The following TUSC3 variants were observed in gnomAD, a reference collection of about 807,000 sequenced individuals.
TUSC3 encodes tumor suppressor candidate 3, also known as dolichyl-diphosphooligosaccharide--protein glycosyltransferase subunit TUSC3.
Under a neutral mutation model 44.8 loss-of-function variants are expected in TUSC3, and 45 were observed. That is an observed-to-expected ratio of 1.00 (90% CI 0.79 to 1.29). TUSC3 has a LOEUF of 1.29. TUSC3 is among the 50% of genes most tolerant of loss of function. The pLI, the probability that TUSC3 is intolerant of heterozygous loss-of-function variation, is 0.00. For synonymous variants in TUSC3, 212 were observed against 152.9 expected (o/e 1.39, Z -2.85); for missense variants, 519 against 437.9 (o/e 1.19, Z -1.65).
intron 1 of TUSC3, among the ~76,000 whole-genome samples, chr8:15,442,469 A>G (rs1800033292): frequency 6.6e-6 from 1 of 152,166 alleles, no homozygotes; most frequent in African/African-American, 2.4e-5. Flanking sequence ...AACAAAACTA[A>G]TAAAGTTTTA....
rs563800760 is a variant in TUSC3, at chr8:15,625,972, C to T, written c.308+2723C>T. ...AGCACATAAGGATAGAGTATATATA[C>T]CTTAACGATGGCAGCAGCGGGCCAT... On this transcript the variant is annotated intron_variant, in intron 2 of 10. Transcript: ENST00000503731. Among the ~76,000 whole-genome samples, 801 of 152,270 alleles carry T rather than the reference C, an allele frequency of 5.3e-3. 4 individuals are homozygous for T. The highest frequency in any genetic ancestry group is 9.6e-3 in the Non-Finnish European group (651 of 68,026).
intron 6 of TUSC3, among the ~76,000 whole-genome samples, chr8:15,717,622 G>T (rs986649747): frequency 2.0e-5 from 3 of 151,936 alleles, no homozygotes; most frequent in African/African-American, 2.4e-5. Context: ...TCTGTTTATA[G>T]TTAACCATCT....
At chr8:15,678,677 C>T (rs528978264) in intron 6 of TUSC3, among the ~76,000 whole-genome samples, 1 of 152,238 alleles carries the variant, frequency 6.6e-6, no homozygotes, top group East Asian at 1.9e-4. Flanking sequence ...TGATGGAGTA[C>T]ATGTGCAGGT....
chr8:15,504,477 C>T (rs1477868404), intron 2 of TUSC3, among the ~76,000 whole-genome samples: 1 of 150,190 alleles, frequency 6.7e-6, no homozygotes, highest in Non-Finnish European at 1.5e-5. Context: ...CATTAAGAAA[C>T]ATATTTCTAC....
At chr8:15,450,521 T>TA (rs886527128) in intron 1 of TUSC3, among the ~76,000 whole-genome samples, 20 of 151,880 alleles carry the variant, frequency 1.3e-4, no homozygotes, top group Admixed American at 5.9e-4. Flanking sequence ...CCATCTCTAG[T>TA]AAAAATACAA....
Position 15,593,306 on chromosome 8 carries a change from G to A in TUSC3, c.139-29774G>A, listed in dbSNP as rs184088329. On this transcript the variant is annotated intron_variant, in intron 1 of 10. Coordinates refer to ENST00000503731, the MANE Select transcript of TUSC3 (RefSeq NM_006765.4). Reference sequence around the variant, plus strand: ...TCACCATGTTTACCAGGTTGGTCTCGAACTCCTGACCTCAGGTGATCCGCC... The same window carrying A: ...TCACCATGTTTACCAGGTTGGTCTCAAACTCCTGACCTCAGGTGATCCGCC... 3.4e-3 allele frequency among the ~76,000 whole-genome samples: 523 copies of A among 152,112 alleles called. 8 individuals are homozygous for A. In the East Asian group the frequency reaches 0.036, roughly 10 times the overall value.
chr8:15,659,841 A>C (rs548851567), intron 4 of TUSC3, among the ~76,000 whole-genome samples, 194 bp downstream of exon 4: 1 of 152,124 alleles, frequency 6.6e-6, no homozygotes, highest in Admixed American at 6.6e-5. Context: ...ATAGTGGTTC[A>C]CTGATATTTT....
chr8:15,738,677 C>T (rs1191652128), intron 7 of TUSC3, among the ~76,000 whole-genome samples: 5 of 152,042 alleles, frequency 3.3e-5, no homozygotes, highest in African/African-American at 1.2e-4. Context: ...CACCCGTGAA[C>T]AGTTACTGTT....
chr8:15,758,633 T>C (rs1812037603), intron 10 of TUSC3, among the ~76,000 whole-genome samples: 1 of 152,072 alleles, frequency 6.6e-6, no homozygotes, highest in East Asian at 1.9e-4. Flanking sequence ...AGGGAAGGAA[T>C]GGGAAGCTCC....
At chr8:15,585,864 G>C (rs1803579466) in intron 1 of TUSC3, among the ~76,000 whole-genome samples, 1 of 152,014 alleles carries the variant, frequency 6.6e-6, no homozygotes, top group Admixed American at 6.6e-5. Context: ...GGGTTTTTTT[G>C]TTTCTCCTCT....
Position 15,623,112 on chromosome 8 carries a change from GGAAT to G in TUSC3, c.173_176del (p.Glu58GlyfsTer10). 6.2e-7 allele frequency: 1 copy of G among 1,613,800 alleles called. No homozygotes were observed. The highest frequency in any genetic ancestry group is 8.5e-7 in the Non-Finnish European group (1 of 1,179,866). On this transcript the variant is annotated frameshift_variant, in exon 2 of 11. Coordinates refer to ENST00000503731, the MANE Select transcript of TUSC3 (RefSeq NM_006765.4). LOFTEE classifies it high-confidence loss of function. ...TAGCTGAAAAAGTAGAGCAGCTGAT[GGAAT>G]GGAGTTCCAGACGCTCAATCTTCCG...
chr8:15,806,855 A>C, the TUSC3 span: 1 of 1,051,866 alleles, frequency 9.5e-7, no homozygotes, highest in East Asian at 2.4e-5. Flanking sequence ...TAGAGTCTTC[A>C]TAGTTAATGA....
In TUSC3 at chr8:15,425,792, C is replaced by G. The variant is rs571419903; in HGVS notation, n.91+8487C>G. ...TGTGAAAAACAGGGGTTATTCCAAGCGGCCTGATGACTTAGACCCTACCAC... is the reference window on the plus strand; with the variant it reads ...TGTGAAAAACAGGGGTTATTCCAAGGGGCCTGATGACTTAGACCCTACCAC... On this transcript the variant is annotated intron_variant and non_coding_transcript_variant, in intron 1 of 5. Coordinates refer to the TUSC3 transcript ENST00000503191. Among the ~76,000 whole-genome samples, 2 of 152,304 alleles carry G rather than the reference C, an allele frequency of 1.3e-5. 1 individual carries two copies. Among genetic ancestry groups the G allele is most frequent in the South Asian group, 4.1e-4 (2 of 4,822 alleles).
At chr8:15,597,821 G>T (rs1804132738) in intron 1 of TUSC3, among the ~76,000 whole-genome samples, 1 of 152,036 alleles carries the variant, frequency 6.6e-6, no homozygotes, top group South Asian at 2.1e-4. Context: ...GGTCAGAAAT[G>T]AGTATGGCCT....
chr8:15,757,900 C>T, intron 10 of TUSC3, 45 bp downstream of exon 10: 8 of 1,454,826 alleles, frequency 5.5e-6, no homozygotes, highest in Non-Finnish European at 7.7e-6. Flanking sequence ...CCTCATTTTT[C>T]AAATATAGAG....
intron 1 of TUSC3, among the ~76,000 whole-genome samples, chr8:15,451,562 T>C (rs898033213): frequency 6.6e-6 from 1 of 152,090 alleles, no homozygotes; most frequent in Non-Finnish European, 1.5e-5. Flanking sequence ...GGAGAGTGCA[T>C]AGAAGCTCCA....
chr8:15,457,823 A>ATTAG, intron 1 of TUSC3, among the ~76,000 whole-genome samples: 1 of 144,366 alleles, frequency 6.9e-6, no homozygotes, highest in Non-Finnish European at 1.5e-5. Flanking sequence ...TTAGATAATT[A>ATTAG]ATTATTAATA....
intron 1 of TUSC3, among the ~76,000 whole-genome samples, chr8:15,461,075 G>A (rs1441935419): frequency 6.6e-6 from 1 of 152,158 alleles, no homozygotes; most frequent in Non-Finnish European, 1.5e-5. Context: ...AATGATGGTG[G>A]TATTTTGATG....
intron 6 of TUSC3, among the ~76,000 whole-genome samples, chr8:15,713,089 C>T (rs960823586): frequency 1.3e-5 from 2 of 152,082 alleles, no homozygotes; most frequent in Admixed American, 1.3e-4. Context: ...ACATGTTGAT[C>T]CCAAATAATC....
Sources: allele counts gnomAD v4.1 joint callset (sites outside exome capture counted in the v4.1 genomes callset), GRCh38; gene constraint gnomAD v4.1.1; transcripts MANE v1.5; gene names NCBI Gene and HGNC (gene_info 2026-07-23, HGNC 2026-07-21).